The following SHISA9 variants were observed in gnomAD, a reference collection of about 807,000 sequenced individuals.
The protein encoded by SHISA9 is protein shisa-9.
SHISA9 carries 13 observed loss-of-function variants against 38.0 expected under a neutral mutation model. The observed-to-expected ratio is 0.34, with a 90% confidence interval of 0.22 to 0.54. The LOEUF is 0.54. Ranked by LOEUF, SHISA9 falls within the 20% of genes least tolerant of loss-of-function variation. The probability of loss-of-function intolerance (pLI) is 0.91; values close to 1 mark genes in which losing one functional copy is unlikely to be tolerated. For synonymous variants in SHISA9, 275 were observed against 242.0 expected (o/e 1.14, Z -1.27); for missense variants, 538 against 575.8 (o/e 0.93, Z 0.67).
chr16:13,551,865 G>A, the SHISA9 span, among the ~76,000 whole-genome samples: 4 of 152,084 alleles, frequency 2.6e-5, no homozygotes, highest in South Asian at 2.1e-4. Flanking sequence ...CGTCTCTACT[G>A]AAAACGCAAA....
At chr16:13,077,218 T>G (rs1277357466) in intron 2 of SHISA9, among the ~76,000 whole-genome samples, 3 of 151,926 alleles carry the variant, frequency 2.0e-5, no homozygotes, top group Admixed American at 6.5e-5. Context: ...TCTGTTTCTA[T>G]TTTTCACTTC....
chr16:12,903,900 C>G (rs1196089877), intron 1 of SHISA9, among the ~76,000 whole-genome samples: 2 of 152,104 alleles, frequency 1.3e-5, no homozygotes, highest in African/African-American at 4.8e-5. Flanking sequence ...CACCACCTCA[C>G]TAGTAATTAT....
At chr16:13,368,680 T>C in the SHISA9 span, among the ~76,000 whole-genome samples, 1 of 151,490 alleles carries the variant, frequency 6.6e-6, no homozygotes, top group Non-Finnish European at 1.5e-5. Context: ...AACAGGCTAA[T>C]TAATAGATAC....
At chr16:13,045,507 G>A (rs372142916) in intron 2 of SHISA9, among the ~76,000 whole-genome samples, 218 of 152,004 alleles carry the variant, frequency 1.4e-3, no homozygotes, top group African/African-American at 5.0e-3. Flanking sequence ...AATATTTATT[G>A]AGCATCTACT....
the SHISA9 span, among the ~76,000 whole-genome samples, chr16:13,561,261 T>C: frequency 3.4e-4 from 52 of 152,138 alleles, no homozygotes; most frequent in Admixed American, 3.4e-3. Context: ...ATTAGAAGCG[T>C]TTGGCTTTTT....
the SHISA9 span, among the ~76,000 whole-genome samples, chr16:13,358,891 C>G: frequency 1.3e-5 from 2 of 152,106 alleles, no homozygotes; most frequent in Non-Finnish European, 2.9e-5. Flanking sequence ...TTAGAAGGAC[C>G]TGCTGGAATG....
chr16:13,319,296 C>T, the SHISA9 span, among the ~76,000 whole-genome samples: 1 of 152,280 alleles, frequency 6.6e-6, no homozygotes, highest in East Asian at 1.9e-4. Flanking sequence ...AGGTGTGAGC[C>T]ACCACACCTG....
chr16:13,242,055 G>A (rs1408770907), downstream of SHISA9, among the ~76,000 whole-genome samples: 1 of 152,208 alleles, frequency 6.6e-6, no homozygotes, highest in East Asian at 1.9e-4. Context: ...GCCACACACT[G>A]TTAAAGACCT....
chr16:13,290,071 A>C, the SHISA9 span, among the ~76,000 whole-genome samples: 2 of 152,182 alleles, frequency 1.3e-5, no homozygotes, highest in Non-Finnish European at 2.9e-5. Flanking sequence ...CATTGAACAT[A>C]GGTGGTATGG....
At chr16:13,555,785 AG>A in the SHISA9 span, among the ~76,000 whole-genome samples, 1 of 152,106 alleles carries the variant, frequency 6.6e-6, no homozygotes, top group Non-Finnish European at 1.5e-5. Context: ...ACTTAGATGG[AG>A]GGAAGTGGAA....
the SHISA9 span, among the ~76,000 whole-genome samples, chr16:13,551,838 C>G: frequency 6.6e-6 from 1 of 152,098 alleles, no homozygotes; most frequent in Non-Finnish European, 1.5e-5. Flanking sequence ...ACCAGCCTGG[C>G]CAGCATGGTG....
At chr16:13,362,691 T>C in the SHISA9 span, among the ~76,000 whole-genome samples, 2 of 152,204 alleles carry the variant, frequency 1.3e-5, no homozygotes, top group Non-Finnish European at 2.9e-5. Flanking sequence ...TTATCCCATA[T>C]CCCTGGTGGT....
At chr16:13,397,311 G>C in the SHISA9 span, among the ~76,000 whole-genome samples, 1 of 152,176 alleles carries the variant, frequency 6.6e-6, no homozygotes, top group Admixed American at 6.5e-5. Context: ...AAACCCCTAG[G>C]GGGAGCATGC....
At chr16:12,951,668 G>T (rs905708134) in intron 2 of SHISA9, among the ~76,000 whole-genome samples, 1 of 152,156 alleles carries the variant, frequency 6.6e-6, no homozygotes, top group Non-Finnish European at 1.5e-5. Context: ...AAAAGGATCT[G>T]GGGGAGGAAC....
intron 2 of SHISA9, among the ~76,000 whole-genome samples, chr16:12,946,498 G>A (rs1392409499): frequency 6.6e-6 from 1 of 152,194 alleles, no homozygotes; most frequent in Non-Finnish European, 1.5e-5. Flanking sequence ...AGGAAGGAAG[G>A]TAGGGCAGGG....
chr16:13,339,181 T>G, the SHISA9 span, among the ~76,000 whole-genome samples: 22 of 151,720 alleles, frequency 1.5e-4, no homozygotes, highest in Admixed American at 5.9e-4. Flanking sequence ...TTTTTTTTTT[T>G]TTGAAAATGG....
At chr16:13,134,336 T>C (rs2141989771) in intron 2 of SHISA9, among the ~76,000 whole-genome samples, 1 of 152,318 alleles carries the variant, frequency 6.6e-6, no homozygotes, top group South Asian at 2.1e-4. Flanking sequence ...TCTCAGTATA[T>C]GCTAGCTATT....
At chr16:13,471,663 C>T in the SHISA9 span, among the ~76,000 whole-genome samples, 2 of 147,688 alleles carry the variant, frequency 1.4e-5, no homozygotes, top group Non-Finnish European at 3.0e-5. Context: ...CAGGGAGCTA[C>T]CTGACCTGCA....
chr16:13,268,337 C>T, the SHISA9 span, among the ~76,000 whole-genome samples: 1 of 152,144 alleles, frequency 6.6e-6, no homozygotes, highest in African/African-American at 2.4e-5. Flanking sequence ...TGGTGAAACC[C>T]TGACTTTCCA....
Sources: gnomAD v4.1 joint callset for allele counts (sites outside exome capture counted in the v4.1 genomes callset) on GRCh38, gnomAD v4.1.1 for gene constraint, MANE v1.5 for transcripts, NCBI Gene and HGNC (gene_info 2026-07-23, HGNC 2026-07-21) for gene names.